Variants in LRRK2 observed in about 807,000 individuals in gnomAD.
LRRK2 encodes the protein leucine-rich repeat serine/threonine-protein kinase 2.
A neutral mutation model predicts 302.6 loss-of-function variants in LRRK2; 203 were observed. The observed-to-expected ratio is 0.67, with a 90% confidence interval of 0.60 to 0.75. LRRK2 has a LOEUF of 0.75. Ranked by LOEUF, LRRK2 falls within the 30% of genes least tolerant of loss-of-function variation. The pLI is 0.00. For synonymous variants in LRRK2, 1,066 were observed against 1,031.9 expected (o/e 1.03, Z -0.63); for missense variants, 2,830 against 2,951.0 (o/e 0.96, Z 0.95).
At position 40,355,938 on chromosome 12, in the gene LRRK2, G is replaced by A. The variant is rs113852102; in HGVS notation, c.6771-177G>A. 3.9e-5 allele frequency among the ~76,000 whole-genome samples: 6 copies of A among 152,264 alleles called. 1 individual carries two copies. The highest frequency in any genetic ancestry group is 1.2e-4 in the African/African-American group (5 of 41,556). Reference sequence around the variant, plus strand: ...AACTGGGAAGAGTCTGGGAAAAGGGGCAGAGAAAGAATTTATAATTCCAAG... The same window carrying A: ...AACTGGGAAGAGTCTGGGAAAAGGGACAGAGAAAGAATTTATAATTCCAAG... On this transcript the variant is annotated intron_variant, in intron 45 of 50. Transcript: ENST00000298910.
Position 40,298,271 on chromosome 12 carries a change from T to C in LRRK2, c.3125T>C (p.Leu1042Ser), listed in dbSNP as rs1180672031. ...ETLKSLTHLD[L>S]HSNKFTSFPS... Reference sequence around the variant, plus strand: ...CTGAAGAGTTTGACACATTTGGACTTGCACAGTAATAAATTTACATCATTT... The same window carrying C: ...CTGAAGAGTTTGACACATTTGGACTCGCACAGTAATAAATTTACATCATTT... Residue 1042 changes from leucine (L) to serine (S), a missense_variant, in exon 24 of 51, where the codon TTG (leucine) becomes TCG (serine). Leu to Ser is a moderately radical substitution (Grantham distance 145). Around this residue, in one of 3 missense-constraint regions of LRRK2, gnomAD observed 2,121 missense variants for 2,148.0 expected, o/e 0.99. Coordinates refer to ENST00000298910, the MANE Select transcript of LRRK2 (RefSeq NM_198578.4). The C allele has an allele frequency of 1.2e-6, 2 of 1,613,592 alleles. No homozygotes were observed. Among genetic ancestry groups the C allele is most frequent in the African/African-American group, 2.7e-5 (2 of 74,920 alleles).
chr12:40,232,438 G>A, intron 3 of LRRK2, 55 bp downstream of exon 3: 3 of 1,222,368 alleles, frequency 2.5e-6, no homozygotes, highest in Non-Finnish European at 2.4e-6. Context: ...TTGTACACAT[G>A]ACAACCTTCC....
intron 16 of LRRK2, among the ~76,000 whole-genome samples, chr12:40,277,426 C>T (rs544599904): frequency 9.9e-5 from 15 of 152,200 alleles, no homozygotes; most frequent in African/African-American, 2.2e-4. Flanking sequence ...ATAAACATTT[C>T]GGAAGACAGC....
intron 13 of LRRK2, among the ~76,000 whole-genome samples, chr12:40,263,519 A>G (rs960101911): frequency 3.9e-5 from 6 of 152,194 alleles, no homozygotes; most frequent in African/African-American, 1.2e-4. Context: ...ATTGTTTGCT[A>G]CAGAAAATTT....
chr12:40,254,539 T>C (rs1385231231), intron 11 of LRRK2, among the ~76,000 whole-genome samples: 1 of 152,198 alleles, frequency 6.6e-6, no homozygotes, highest in Non-Finnish European at 1.5e-5. Context: ...ATTTCACTCC[T>C]GAAAATGAGG....
At chr12:40,250,021 A>G (rs1030547675) in intron 8 of LRRK2, 76 bp downstream of exon 8, 76 of 1,551,588 alleles carry the variant, frequency 4.9e-5, no homozygotes, top group East Asian at 3.2e-4. Context: ...CAAGAGAATC[A>G]TATGTACAGA....
At chr12:40,228,684 C>T (rs1054046359) in intron 2 of LRRK2, among the ~76,000 whole-genome samples, 1 of 152,006 alleles carries the variant, frequency 6.6e-6, no homozygotes, top group Non-Finnish European at 1.5e-5. Context: ...AGACCAATGT[C>T]CTGTAGCATT....
intron 14 of LRRK2, among the ~76,000 whole-genome samples, chr12:40,264,320 T>C (rs1942910238): frequency 6.6e-6 from 1 of 152,128 alleles, no homozygotes; most frequent in Non-Finnish European, 1.5e-5. Flanking sequence ...GACATACCAG[T>C]GTTAACAGTA....
Position 40,305,967 on chromosome 12 carries a change from G to T in LRRK2, c.3959+1G>T. ...GATGTAAAGCCAAAGACATCATAAG[G>T]TTAGATAATTTTTTTCTATTTGGTT... On this transcript the variant is annotated splice_donor_variant, in intron 28 of 50. Coordinates refer to ENST00000298910, the MANE Select transcript of LRRK2 (RefSeq NM_198578.4). LOFTEE classifies it high-confidence loss of function. 1 of 1,601,150 alleles carries T rather than the reference G, an allele frequency of 6.2e-7. No homozygotes were observed. Among genetic ancestry groups the T allele is most frequent in the Non-Finnish European group, 8.5e-7 (1 of 1,171,326 alleles).
intron 11 of LRRK2, among the ~76,000 whole-genome samples, chr12:40,255,562 G>T (rs1942465545): frequency 6.6e-6 from 1 of 152,152 alleles, no homozygotes; most frequent in African/African-American, 2.4e-5. Context: ...TTCTTAAAGT[G>T]TGGTTCCTGG....
intron 39 of LRRK2, among the ~76,000 whole-genome samples, chr12:40,333,704 T>C (rs1356594975): frequency 1.3e-5 from 2 of 151,250 alleles, no homozygotes; most frequent in Admixed American, 6.6e-5. Context: ...GAGAGATTGT[T>C]GCAGCCAGGG....
At chr12:40,348,708 A>G (rs916225265) in intron 43 of LRRK2, among the ~76,000 whole-genome samples, 199 bp downstream of exon 43, 4 of 152,128 alleles carry the variant, frequency 2.6e-5, no homozygotes, top group Non-Finnish European at 4.4e-5. Flanking sequence ...ATGCTCCCAT[A>G]TGCCTGTCTC....
rs1468385770 is a variant in LRRK2 at position 40,305,218 on chromosome 12, C to G, written c.3778-567C>G. 2.6e-5 allele frequency among the ~76,000 whole-genome samples: 4 copies of G among 152,254 alleles called. No homozygotes were observed. In the East Asian group the frequency reaches 7.7e-4, roughly 29 times the overall value. ...ATTAAGTGTCTGACACTGTGAGGTT[C>G]AGCAAAACTGTGCATATATTTTGCT... On this transcript the variant is annotated intron_variant, in intron 27 of 50. Coordinates refer to ENST00000298910, the MANE Select transcript of LRRK2 (RefSeq NM_198578.4).
At chr12:40,250,072 T>C in intron 8 of LRRK2, 127 bp downstream of exon 8, 1 of 1,161,580 alleles carries the variant, frequency 8.6e-7, no homozygotes, top group Non-Finnish European at 1.2e-6. Context: ...GTAGCTCATT[T>C]TCCAGTAGAG....
chr12:40,237,336 T>C (rs545421288), intron 4 of LRRK2, among the ~76,000 whole-genome samples: 1 of 152,230 alleles, frequency 6.6e-6, no homozygotes, highest in Admixed American at 6.5e-5. Flanking sequence ...ACCAGTTGGA[T>C]AGAAATTGGG....
intron 7 of LRRK2, among the ~76,000 whole-genome samples, chr12:40,246,962 G>GAAT (rs1434751569): frequency 6.6e-6 from 1 of 152,098 alleles, no homozygotes; most frequent in Non-Finnish European, 1.5e-5. Context: ...AGTGGTTGCT[G>GAAT]AATAATAAGG....
intron 27 of LRRK2, 32 bp from the exon 28 acceptor site, chr12:40,305,753 C>T (rs201459814): frequency 2.5e-6 from 4 of 1,604,762 alleles, no homozygotes; most frequent in Non-Finnish European, 3.4e-6. Context: ...TCCTTCCCAC[C>T]AACAGGTTTT....
At chr12:40,315,101 G>T in intron 32 of LRRK2, 111 bp from the exon 33 acceptor site, 1 of 864,420 alleles carries the variant, frequency 1.2e-6, no homozygotes. Context: ...CACTAGCTAT[G>T]CTGAAATTTC....
chr12:40,253,921 A>T (rs1942389312), intron 11 of LRRK2, among the ~76,000 whole-genome samples: 1 of 152,190 alleles, frequency 6.6e-6, no homozygotes, highest in South Asian at 2.1e-4. Context: ...AAATCTGGTA[A>T]AATTGTCTAT....
Sources: gnomAD v4.1 joint callset for allele counts (sites outside exome capture counted in the v4.1 genomes callset) on GRCh38, gnomAD v4.1.1 for gene constraint, gnomAD v4.1.1 regional missense constraint, MANE v1.5 for transcripts, NCBI Gene and HGNC (gene_info 2026-07-23, HGNC 2026-07-21) for gene names.